Variants in ABTB3 observed in about 807,000 individuals in gnomAD.
ABTB3 encodes the protein ankyrin repeat and BTB domain containing 3, also known as ankyrin repeat- and BTB/POZ domain-containing protein 3.
the ABTB3 span, among the ~76,000 whole-genome samples, chr12:107,457,488 G>T: frequency 3.9e-5 from 6 of 152,198 alleles, no homozygotes; most frequent in Non-Finnish European, 7.3e-5. Context: ...TTATAATGGT[G>T]CTGGCGGGTC....
At chr12:107,614,020 G>A in the ABTB3 span, among the ~76,000 whole-genome samples, 4 of 152,102 alleles carry the variant, frequency 2.6e-5, no homozygotes, top group African/African-American at 7.2e-5. Context: ...CCCACGCAAG[G>A]GGTCCTCAGC....
At chr12:107,619,745 G>A in the ABTB3 span, among the ~76,000 whole-genome samples, 1 of 152,170 alleles carries the variant, frequency 6.6e-6, no homozygotes, top group South Asian at 2.1e-4. Context: ...ATACAGAGAT[G>A]GACACCCATA....
At chr12:107,331,256 T>G in the ABTB3 span, among the ~76,000 whole-genome samples, 1 of 152,172 alleles carries the variant, frequency 6.6e-6, no homozygotes, top group Non-Finnish European at 1.5e-5. Context: ...ATACTGACTT[T>G]GAGGTTTAGG....
the ABTB3 span, among the ~76,000 whole-genome samples, chr12:107,624,372 G>A: frequency 7.9e-5 from 12 of 152,094 alleles, no homozygotes; most frequent in Middle Eastern, 3.4e-3. Context: ...TTCTCCCAAC[G>A]GCAATATCTT....
chr12:107,356,559 C>T, the ABTB3 span, among the ~76,000 whole-genome samples: 4 of 152,126 alleles, frequency 2.6e-5, no homozygotes, highest in East Asian at 1.9e-4. Context: ...CTGTGAATGT[C>T]GTCATCTTAA....
At chr12:107,600,491 ACAACTAATCT>A in the ABTB3 span, among the ~76,000 whole-genome samples, 1 of 152,202 alleles carries the variant, frequency 6.6e-6, no homozygotes. Context: ...CTCTTCCAAG[ACAACTAATCT>A]GACTGCTGGA....
chr12:107,505,997 G>A, the ABTB3 span, among the ~76,000 whole-genome samples: 2 of 152,146 alleles, frequency 1.3e-5, no homozygotes, highest in Admixed American at 6.5e-5. Context: ...GTGGACATAT[G>A]CATGCATGTG....
At chr12:107,601,565 C>T in the ABTB3 span, among the ~76,000 whole-genome samples, 1 of 152,178 alleles carries the variant, frequency 6.6e-6, no homozygotes, top group African/African-American at 2.4e-5. Flanking sequence ...GCAGCAGCAG[C>T]AGCCCAGTGT....
the ABTB3 span, among the ~76,000 whole-genome samples, chr12:107,373,771 G>C: frequency 3.3e-5 from 5 of 152,176 alleles, no homozygotes; most frequent in Non-Finnish European, 5.9e-5. Context: ...TGTGGGACCC[G>C]GCACTTTCTC....
the ABTB3 span, among the ~76,000 whole-genome samples, chr12:107,414,664 G>A: frequency 1.3e-5 from 2 of 151,416 alleles, no homozygotes; most frequent in African/African-American, 4.9e-5. Flanking sequence ...TCTGGTCTCT[G>A]CCTTTCTCCA....
chr12:107,471,424 C>G, the ABTB3 span, among the ~76,000 whole-genome samples: 18,802 of 152,112 alleles, frequency 0.12, 1,994 homozygotes, highest in African/African-American at 0.28. Context: ...TACAGAAGTA[C>G]AGGCTCCCAT....
At chr12:107,352,385 G>A in the ABTB3 span, among the ~76,000 whole-genome samples, 1 of 152,162 alleles carries the variant, frequency 6.6e-6, no homozygotes, top group Non-Finnish European at 1.5e-5. Flanking sequence ...GCAGTGGGGA[G>A]GGAATAGTCT....
At chr12:107,370,533 C>A in the ABTB3 span, among the ~76,000 whole-genome samples, 76 of 152,328 alleles carry the variant, frequency 5.0e-4, no homozygotes, top group Admixed American at 3.7e-3. Flanking sequence ...CCTGGCTCCC[C>A]TTCCTCTCTC....
the ABTB3 span, chr12:107,657,519 T>C: frequency 6.2e-6 from 10 of 1,613,952 alleles, no homozygotes; most frequent in East Asian, 2.0e-4. Context: ...TTTCTTGGAG[T>C]CACAGAGCTC....
chr12:107,620,514 A>G, the ABTB3 span, among the ~76,000 whole-genome samples: 1 of 152,088 alleles, frequency 6.6e-6, no homozygotes, highest in African/African-American at 2.4e-5. Flanking sequence ...GCAGGCTAGG[A>G]GAGGTGTGGG....
At chr12:107,319,225 CGAGGTCCCCTGGACTCTCCAG>C in the ABTB3 span, 1 of 1,577,158 alleles carries the variant, frequency 6.3e-7, no homozygotes, top group Non-Finnish European at 8.6e-7. Context: ...CGGACCTAGA[CGAGGTCCCCTGGACTCTCCAG>C]GAGCTGGAGG....
the ABTB3 span, among the ~76,000 whole-genome samples, chr12:107,330,918 C>A: frequency 6.6e-6 from 1 of 152,184 alleles, no homozygotes; most frequent in African/African-American, 2.4e-5. Flanking sequence ...AATGCAGAAT[C>A]AAATTAACAG....
At chr12:107,629,968 A>G in the ABTB3 span, among the ~76,000 whole-genome samples, 1 of 151,982 alleles carries the variant, frequency 6.6e-6, no homozygotes, top group Non-Finnish European at 1.5e-5. Flanking sequence ...CTCACACTCA[A>G]AAGGGCCCTC....
At chr12:107,548,356 G>A in the ABTB3 span, among the ~76,000 whole-genome samples, 5 of 152,244 alleles carry the variant, frequency 3.3e-5, no homozygotes, top group South Asian at 4.2e-4. Flanking sequence ...CCCAACAGAC[G>A]GCCTGGGAAA....
Sources: gnomAD v4.1 joint callset for allele counts (sites outside exome capture counted in the v4.1 genomes callset) on GRCh38, gnomAD v4.1.1 for gene constraint, MANE v1.5 for transcripts, NCBI Gene and HGNC (gene_info 2026-07-23, HGNC 2026-07-21) for gene names.